Variants in GASK1B observed in about 807,000 individuals in gnomAD.
The protein encoded by GASK1B is golgi associated kinase 1B.
GASK1B carries 34 observed loss-of-function variants against 42.8 expected under a neutral mutation model. The observed-to-expected ratio is 0.79, with a 90% CI of 0.60 to 1.06. GASK1B has a LOEUF of 1.06. Ranked by LOEUF, GASK1B falls within the 50% of genes least tolerant of loss-of-function variation. The pLI, the probability that GASK1B is intolerant of heterozygous loss-of-function variation, is 0.00. For missense variants in GASK1B, 686 were observed against 661.0 expected (o/e 1.04, Z -0.42); for synonymous variants, 262 against 259.1 (o/e 1.01, Z -0.11).
At chr4:158,152,705 T>A (rs946702435) in intron 3 of GASK1B, among the ~76,000 whole-genome samples, 1 of 152,084 alleles carries the variant, frequency 6.6e-6, no homozygotes, top group African/African-American at 2.4e-5. Flanking sequence ...TGCAAGCAAG[T>A]CAATAAATGA....
chr4:158,145,384 T>C (rs953995647), intron 3 of GASK1B, among the ~76,000 whole-genome samples: 3 of 152,182 alleles, frequency 2.0e-5, no homozygotes, highest in African/African-American at 7.2e-5. Flanking sequence ...TACCAACTCA[T>C]ATTCTTGTTG....
chr4:158,153,469 A>G (rs1038293979), intron 3 of GASK1B, among the ~76,000 whole-genome samples: 1 of 152,102 alleles, frequency 6.6e-6, no homozygotes, highest in Non-Finnish European at 1.5e-5. Context: ...CCATCAAAAT[A>G]CCACCATAAC....
intron 2 of GASK1B, among the ~76,000 whole-genome samples, chr4:158,164,267 C>T (rs1396095420): frequency 2.0e-5 from 3 of 152,130 alleles, no homozygotes; most frequent in Non-Finnish European, 1.5e-5. Flanking sequence ...TAAATGTGAT[C>T]CTATAGAAGA....
chr4:158,170,751 T>C lies in GASK1B; in HGVS notation c.625A>G (p.Ser209Gly). The C allele has an allele frequency of 1.2e-6, 2 of 1,614,244 alleles. No individual in the cohort carries two copies. Among genetic ancestry groups the C allele is most frequent in the South Asian group, 1.1e-5 (1 of 91,088 alleles). ...SSRESNIRIY[S>G]ESAPSWLSKD... ...CTCAGCCAGGAGGGGGCGCTCTCGC[T>C]GTAGATCCTAATGTTGCTCTCCCTG... The change falls in exon 2 of 5, where the codon AGC becomes GGC. Residue 209 changes from serine (S) to glycine (G), a missense_variant. By Grantham distance (56) the Ser-to-Gly change is moderately conservative. Coordinates refer to ENST00000585682, the MANE Select transcript of GASK1B (RefSeq NM_001128424.2).
At chr4:158,145,814 A>AT (rs1731309366) in intron 3 of GASK1B, among the ~76,000 whole-genome samples, 1 of 152,196 alleles carries the variant, frequency 6.6e-6, no homozygotes, top group Non-Finnish European at 1.5e-5. Flanking sequence ...AGTCTGCTAC[A>AT]ATCAAGTGAA....
chr4:158,165,908 C>G (rs1732213185), intron 2 of GASK1B, among the ~76,000 whole-genome samples: 1 of 152,112 alleles, frequency 6.6e-6, no homozygotes, highest in Non-Finnish European at 1.5e-5. Flanking sequence ...ATAGACAACA[C>G]ACATCAAATA....
chr4:158,171,539 G>A lies in GASK1B; in HGVS notation c.-164C>T. Reference sequence around the variant, plus strand: ...AAGGGTTGGTGATGAAGCTGGGAATGTTTCTGACACAACAAACCTTTTAAA... The same window carrying A: ...AAGGGTTGGTGATGAAGCTGGGAATATTTCTGACACAACAAACCTTTTAAA... On this transcript the variant is annotated 5_prime_UTR_variant, in exon 2 of 5. Transcript: ENST00000585682. 1 of 640,872 alleles carries A rather than the reference G, an allele frequency of 1.6e-6. No homozygotes were observed. The highest frequency in any genetic ancestry group is 2.4e-6 in the Non-Finnish European group (1 of 408,494). 39.7% of individuals were successfully genotyped at this position (640,872 alleles called of 1,614,324 possible). A position where few individuals can be genotyped will look rare whatever the true frequency, so the allele number is the denominator to read the frequency against.
rs113145979 is a variant in GASK1B, at chr4:158,171,058, C to T, written c.318G>A (p.Val106=). The change falls in exon 2 of 5, where the codon GTG becomes GTA. Residue 106 remains valine, a synonymous_variant. Coordinates refer to ENST00000585682, the MANE Select transcript of GASK1B (RefSeq NM_001128424.2). The stretch of plus-strand genomic sequence containing the variant: ...GCTTGGAGCGTAGGGTAATGTACAC[C>T]ACATTGGGCTGCAGAGTGGACCCAT... ...QGNGSTLQPN[V]VYITLRSKRS... The T allele has an allele frequency of 5.7e-5, 92 of 1,612,680 alleles. No homozygotes were observed. In the African/African-American group the frequency reaches 9.1e-4, roughly 16 times the overall value.
At position 158,158,262 on chromosome 4, in the gene GASK1B, C is replaced by G. The variant is rs191536311; in HGVS notation, c.911-2437G>C. 2.5e-3 allele frequency among the ~76,000 whole-genome samples: 381 copies of G among 152,222 alleles called. 1 individual carries two copies. Among genetic ancestry groups the G allele is most frequent in the Non-Finnish European group, 4.5e-3 (307 of 67,976 alleles). On this transcript the variant is annotated intron_variant, in intron 2 of 4. Coordinates refer to ENST00000585682, the MANE Select transcript of GASK1B (RefSeq NM_001128424.2). ...GCATGGTGCCTAACATAAACACATG[C>G]CCCAGAAAGGTTTTGCTCTGATGAT...
At chr4:158,164,191 C>T (rs1732140258) in intron 2 of GASK1B, among the ~76,000 whole-genome samples, 2 of 152,194 alleles carry the variant, frequency 1.3e-5, no homozygotes, top group African/African-American at 4.8e-5. Flanking sequence ...GATGCAGCCC[C>T]AGTGACTAGA....
rs1730473640 is a variant in GASK1B, at chr4:158,126,910, A to T, written c.*497T>A. The T allele has an allele frequency of 6.5e-6, 1 of 152,758 alleles. No homozygotes were observed. Among genetic ancestry groups the T allele is most frequent in the Non-Finnish European group, 1.5e-5 (1 of 68,510 alleles). 9.5% of individuals were successfully genotyped at this position (152,758 alleles called of 1,614,324 possible). ...CAGCTCTGATGCTCTTGCAGGCTGT[A>T]AGCCTCAGTGTTCCAATGTAGAGTT... On this transcript the variant is annotated 3_prime_UTR_variant, in exon 5 of 5. Transcript: ENST00000585682.
intron 2 of GASK1B, among the ~76,000 whole-genome samples, chr4:158,156,580 C>G (rs1731769397): frequency 6.6e-6 from 1 of 152,120 alleles, no homozygotes; most frequent in Non-Finnish European, 1.5e-5. Flanking sequence ...AATTGCTAAA[C>G]TTTACAAAGA....
chr4:158,141,332 G>A (rs1731107564), intron 3 of GASK1B, among the ~76,000 whole-genome samples: 1 of 151,810 alleles, frequency 6.6e-6, no homozygotes, highest in East Asian at 2.0e-4. Flanking sequence ...TAGCTTATGA[G>A]ATACTGGGCC....
rs759951390 is a variant in GASK1B, at chr4:158,155,675, G to C, written c.1061C>G (p.Ser354Trp). Residue 354 changes from serine (S) to tryptophan (W), a missense_variant, in exon 3 of 5, where the codon TCG (serine) becomes TGG (tryptophan). Transcript: ENST00000585682. ...ATGATGATGTATTTCAGTACAACCC[G>C]ATTCAGGCTTGGGTACTCGGCCATT... ...WQNGRVPKPE[S>W]GCTEIHHHEW... 1 of 1,613,860 alleles carries C rather than the reference G, an allele frequency of 6.2e-7. No homozygotes were observed. The highest frequency in any genetic ancestry group is 8.5e-7 in the Non-Finnish European group (1 of 1,179,784).
intron 3 of GASK1B, among the ~76,000 whole-genome samples, chr4:158,141,095 G>A (rs1731095509): frequency 6.6e-6 from 1 of 152,094 alleles, no homozygotes; most frequent in Admixed American, 6.5e-5. Context: ...TAGTCTACAT[G>A]TTATGCAGAT....
chr4:158,127,730 G>A, intron 4 of GASK1B, 116 bp from the exon 5 acceptor site: 1 of 893,944 alleles, frequency 1.1e-6, no homozygotes, highest in Non-Finnish European at 1.7e-6. Flanking sequence ...TGGTATCTTT[G>A]AGAACCAAAA....
intron 3 of GASK1B, among the ~76,000 whole-genome samples, chr4:158,133,211 T>A (rs1386261277): frequency 1.3e-5 from 2 of 152,198 alleles, no homozygotes; most frequent in Non-Finnish European, 2.9e-5. Flanking sequence ...CCCCTTTTTT[T>A]AAATACACAT....
intron 3 of GASK1B, 29 bp from the exon 4 acceptor site, chr4:158,131,041 T>G: frequency 6.3e-7 from 1 of 1,582,476 alleles, no homozygotes; most frequent in Non-Finnish European, 8.7e-7. Flanking sequence ...AAATCCAAGA[T>G]GCTGAGTGAA....
intron 4 of GASK1B, among the ~76,000 whole-genome samples, chr4:158,129,396 A>T (rs1730586243): frequency 6.6e-6 from 1 of 152,178 alleles, no homozygotes; most frequent in Non-Finnish European, 1.5e-5. Flanking sequence ...AGAACCTGCC[A>T]CATAACCTGC....
Sources: gnomAD v4.1 joint callset for allele counts (sites outside exome capture counted in the v4.1 genomes callset) on GRCh38, gnomAD v4.1.1 for gene constraint, MANE v1.5 for transcripts, NCBI Gene and HGNC (gene_info 2026-07-23, HGNC 2026-07-21) for gene names.